TCF4: variants seen among roughly 807,000 people sequenced by gnomAD.
The protein encoded by TCF4 is SL3-3 enhancer factor 2.
In TCF4, 3 loss-of-function variants were observed where a neutral mutation model predicts 82.1. The ratio of observed to expected loss-of-function variants is 0.04; its 90% CI spans 0.02 to 0.09. The LOEUF (loss-of-function observed/expected upper bound fraction) is 0.09. TCF4 is among the 10% of genes least tolerant of loss of function. The probability of loss-of-function intolerance (pLI) is 1.00; values close to 1 mark genes in which losing one functional copy is unlikely to be tolerated. For synonymous variants in TCF4, 276 were observed against 309.6 expected (o/e 0.89, Z 1.14); for missense variants, 518 against 852.7 (o/e 0.61, Z 4.89).
In TCF4 at chr18:55,229,070, A is replaced by G. The variant is rs1217138981; in HGVS notation, c.1656T>C (p.Asn552=). Residue 552 remains asparagine (N), a synonymous_variant, in exon 18 of 20, where the codon AAT becomes AAC. Coordinates refer to ENST00000354452, the MANE Select transcript of TCF4 (RefSeq NM_001083962.2). Reference sequence around the variant, plus strand: ...GCTCTGGTGTCAGGTCCTCATCGTCATTATTGCTGTGGGACAAAAGGGATG... The same window carrying G: ...GCTCTGGTGTCAGGTCCTCATCGTCGTTATTGCTGTGGGACAAAAGGGATG... ...KSITRSRSSN[N]DDEDLTPEQK... 1.2e-6 allele frequency: 2 copies of G among 1,613,956 alleles called. No individual in the cohort carries two copies. Among genetic ancestry groups the G allele is most frequent in the African/African-American group, 1.3e-5 (1 of 74,900 alleles).
At chr18:55,588,381 C>T, upstream of TCF4, 1 of 1,530,494 alleles carries the variant, frequency 6.5e-7, no homozygotes, top group South Asian at 1.2e-5. Context: ...AGGATGCATC[C>T]CCCTCGCACC....
chr18:55,410,511 C>T (rs2094300435), intron 5 of TCF4, among the ~76,000 whole-genome samples: 1 of 151,974 alleles, frequency 6.6e-6, no homozygotes, highest in East Asian at 1.9e-4. Flanking sequence ...TTATTTAAGG[C>T]AACACACCCT....
At chr18:55,321,449 T>C in intron 8 of TCF4, 1 of 675,304 alleles carries the variant, frequency 1.5e-6, no homozygotes, top group Non-Finnish European at 2.5e-6. Flanking sequence ...TGAAAGCATC[T>C]ATTTTTCTAC....
At chr18:55,233,075 T>C (rs2048349561) in intron 16 of TCF4, among the ~76,000 whole-genome samples, 1 of 152,228 alleles carries the variant, frequency 6.6e-6, no homozygotes, top group Non-Finnish European at 1.5e-5. Flanking sequence ...CCAGGGAGTA[T>C]GCTAAATATG....
intron 11 of TCF4, among the ~76,000 whole-genome samples, chr18:55,264,194 G>GAT (rs1473292215): frequency 6.6e-6 from 1 of 152,136 alleles, no homozygotes; most frequent in Admixed American, 6.5e-5. Context: ...TATGCAGGGA[G>GAT]ATATTATGAC....
intron 3 of TCF4, among the ~76,000 whole-genome samples, chr18:55,562,477 C>A (rs1202323492): frequency 6.6e-6 from 1 of 152,088 alleles, no homozygotes. Context: ...AAATATACAG[C>A]AAAGAAGGCA....
At chr18:55,334,189 G>A (rs1242723425) in intron 8 of TCF4, among the ~76,000 whole-genome samples, 1 of 151,996 alleles carries the variant, frequency 6.6e-6, no homozygotes, top group Non-Finnish European at 1.5e-5. Context: ...ATAATATTAA[G>A]AGCATTATCT....
At chr18:55,550,027 T>C (rs1361489706) in intron 3 of TCF4, among the ~76,000 whole-genome samples, 1 of 152,240 alleles carries the variant, frequency 6.6e-6, no homozygotes, top group African/African-American at 2.4e-5. Flanking sequence ...GTAAATACTA[T>C]TCATTGAAGG....
intron 3 of TCF4, among the ~76,000 whole-genome samples, chr18:55,554,535 C>A (rs1220933602): frequency 6.6e-6 from 1 of 152,130 alleles, no homozygotes; most frequent in African/African-American, 2.4e-5. Flanking sequence ...CTCCTCTGAA[C>A]ATGACTTCTC....
At chr18:55,620,160 G>C (rs1399524994) in intron 2 of TCF4, among the ~76,000 whole-genome samples, 1 of 152,090 alleles carries the variant, frequency 6.6e-6, no homozygotes, top group Non-Finnish European at 1.5e-5. Context: ...CATGATTGTA[G>C]GGTTCCTGAG....
At chr18:55,626,964 T>C (rs1321132246) in intron 2 of TCF4, among the ~76,000 whole-genome samples, 1 of 152,200 alleles carries the variant, frequency 6.6e-6, no homozygotes, top group Non-Finnish European at 1.5e-5. Flanking sequence ...CTTCTGTATA[T>C]GGACAAAAGC....
chr18:55,617,218 G>T (rs2097713010), intron 2 of TCF4, among the ~76,000 whole-genome samples: 1 of 151,976 alleles, frequency 6.6e-6, no homozygotes, highest in Admixed American at 6.6e-5. Context: ...ACTGTGTTTT[G>T]TTGGCACCCT....
intron 3 of TCF4, chr18:55,469,472 A>T (rs902118835): frequency 1.9e-4 from 29 of 152,312 alleles, no homozygotes; most frequent in African/African-American, 7.0e-4. Context: ...AAAAAAAAAA[A>T]TAATAAATAA....
At chr18:55,247,976 G>A (rs1321570905) in intron 15 of TCF4, among the ~76,000 whole-genome samples, 2 of 152,142 alleles carry the variant, frequency 1.3e-5, no homozygotes, top group Non-Finnish European at 2.9e-5. Flanking sequence ...AAGGAAGGAG[G>A]CTGATCAAGA....
At chr18:55,404,114 CCCAA>C in intron 5 of TCF4, 1 of 926,342 alleles carries the variant, frequency 1.1e-6, no homozygotes, top group Non-Finnish European at 1.3e-6. Flanking sequence ...CTACTCTGAA[CCCAA>C]GTTCAGATTC....
At chr18:55,455,179 C>CAAAAAAAAAAAAAAAAAAAAAAA (rs35889370) in intron 5 of TCF4, among the ~76,000 whole-genome samples, 1 of 67,472 alleles carries the variant, frequency 1.5e-5, no homozygotes, top group Non-Finnish European at 2.9e-5. Flanking sequence ...GACTCTGTCT[C>CAAAAAAAAAAAAAAAAAAAAAAA]AAAAAAAAAA....
At chr18:55,482,692 T>C (rs1403107077) in intron 3 of TCF4, 2 of 152,206 alleles carry the variant, frequency 1.3e-5, no homozygotes, top group Admixed American at 6.5e-5. Flanking sequence ...CCTGATAACA[T>C]ACCCTCACGC....
intron 16 of TCF4, among the ~76,000 whole-genome samples, chr18:55,234,074 G>A (rs777108639): frequency 7.9e-5 from 12 of 152,176 alleles, no homozygotes; most frequent in East Asian, 1.9e-4. Flanking sequence ...CGTAATCACC[G>A]GTATGAGGCA....
At chr18:55,589,894 A>C (rs2097680975), upstream of TCF4, 1 of 957,982 alleles carries the variant, frequency 1.0e-6, no homozygotes, top group South Asian at 4.9e-5. Context: ...AGTGGTAAAC[A>C]GAGCGCCTAG....
Sources: allele counts gnomAD v4.1 joint callset (sites outside exome capture counted in the v4.1 genomes callset), GRCh38; gene constraint gnomAD v4.1.1; transcripts MANE v1.5; gene names NCBI Gene and HGNC (gene_info 2026-07-23, HGNC 2026-07-21).